MAST3: variants seen among roughly 807,000 people sequenced by gnomAD.
MAST3 encodes microtubule-associated serine/threonine-protein kinase 3.
MAST3 carries 43 observed loss-of-function variants against 127.0 expected under a neutral mutation model. That is an observed-to-expected ratio of 0.34 (90% confidence interval 0.27 to 0.44). The LOEUF is 0.44. Among genes scored for constraint, MAST3 ranks in the 20% least tolerant of loss-of-function variants. MAST3 has a pLI of 1.00. For synonymous variants in MAST3, 785 were observed against 809.2 expected, an observed-to-expected ratio of 0.97 and a Z score of 0.51; for missense variants, 1,390 against 1,919.1, an observed-to-expected ratio of 0.72 and a Z score of 5.15.
intron 2 of MAST3, among the ~76,000 whole-genome samples, chr19:18,109,715 C>G (rs1568549929): frequency 1.3e-5 from 2 of 152,158 alleles, no homozygotes; most frequent in African/African-American, 2.4e-5. Context: ...GGGCGACCTT[C>G]CTGGCAGAGG....
intron 19 of MAST3, among the ~76,000 whole-genome samples, chr19:18,137,749 G>A (rs1349648118): frequency 6.6e-6 from 1 of 152,150 alleles, no homozygotes; most frequent in African/African-American, 2.4e-5. Context: ...GTCCCTGCAG[G>A]GGCACTGTAG....
chr19:18,100,878 G>T (rs1208657814), intron 1 of MAST3, among the ~76,000 whole-genome samples: 2 of 152,184 alleles, frequency 1.3e-5, no homozygotes, highest in Non-Finnish European at 2.9e-5. Flanking sequence ...TTCACAAACG[G>T]GTGCTGACCG....
intron 2 of MAST3, among the ~76,000 whole-genome samples, 177 bp downstream of exon 2, chr19:18,107,795 A>T (rs1259254274): frequency 6.6e-6 from 1 of 152,202 alleles, no homozygotes; most frequent in East Asian, 1.9e-4. Context: ...CACCACAAAC[A>T]TGGGAGGCCA....
chr19:18,146,307 T>C (rs964195203), intron 25 of MAST3, among the ~76,000 whole-genome samples: 2 of 152,128 alleles, frequency 1.3e-5, no homozygotes, highest in African/African-American at 4.8e-5. Flanking sequence ...TAGCTAGGCA[T>C]GGTGGCATGC....
chr19:18,134,573 C>T lies in MAST3; in HGVS notation c.1572-6C>T. On this transcript the variant is annotated splice_polypyrimidine_tract_variant and splice_region_variant and intron_variant, in intron 15 of 27. Transcript: ENST00000687212. ...AGCTCTGAGCACACTCCTAACCTGC[C>T]CACAGTCTGCTCATCACCTCGCTTG... 1 of 1,609,588 alleles carries T rather than the reference C, an allele frequency of 6.2e-7. No homozygotes were observed. The highest frequency in any genetic ancestry group is 1.7e-5 in the Admixed American group (1 of 59,746).
At position 18,134,661 on chromosome 19, in the gene MAST3, C is replaced by T. The variant is rs2041701746; in HGVS notation, c.1654C>T (p.Leu552Phe). Residue 552 changes from leucine (L) to phenylalanine (F), a missense_variant, in exon 16 of 28, where the codon CTC becomes TTC. Physicochemically the swap from Leu to Phe is conservative, Grantham distance 22. This residue lies in a region of MAST3 where 191 missense variants were observed against 409.0 expected (regional missense o/e 0.47). Transcript: ENST00000687212. Reference protein sequence around the residue: ...KIGLMSMATNLYEGHIEKDAR... With the variant: ...KIGLMSMATNFYEGHIEKDAR... ...CGGCCTCATGAGCATGGCCACCAAC[C>T]TCTATGAGGGCCACATCGAGAAGGA... The T allele has an allele frequency of 6.2e-7, 1 of 1,613,558 alleles. No individual in the cohort carries two copies. Among genetic ancestry groups the T allele is most frequent in the African/African-American group, 1.3e-5 (1 of 74,930 alleles).
intron 20 of MAST3, among the ~76,000 whole-genome samples, chr19:18,141,205 C>G (rs1304528519): frequency 6.6e-6 from 1 of 152,084 alleles, no homozygotes; most frequent in African/African-American, 2.4e-5. Flanking sequence ...GCAGGACTTT[C>G]TAGTCAACAG....
At chr19:18,130,833 C>T in intron 14 of MAST3, 131 bp downstream of exon 14, 2 of 906,324 alleles carry the variant, frequency 2.2e-6, no homozygotes, top group Non-Finnish European at 3.4e-6. Context: ...GGGGAACCCT[C>T]AGGAACCCCA....
rs75869159 is a variant in MAST3 at position 18,110,257 on chromosome 19, G to C, written c.72-395G>C. 1 of 985,576 alleles carries C rather than the reference G, an allele frequency of 1.0e-6. No homozygotes were observed. The allele number at this position is 985,576 out of a possible 1,614,324, so 61.1% of individuals were successfully genotyped here. ...TCGGTCCGCTCGCGCCACGATCAGG[G>C]CTTCCGGGGGCCAACAAGGGGGCGT... is the stretch of plus-strand genomic sequence containing the variant. On this transcript the variant is annotated intron_variant, in intron 2 of 27. Coordinates refer to ENST00000687212, the MANE Select transcript of MAST3 (RefSeq NM_001393504.1). The surrounding 1 kb of genome is among the most constrained non-coding windows in gnomAD (Gnocchi z 4.3).
rs1004739108 is a variant in MAST3, at chr19:18,112,700, A to G, written c.161+1959A>G. 6.6e-6 allele frequency among the ~76,000 whole-genome samples: 1 copy of G among 152,122 alleles called. No individual in the cohort carries two copies. The highest frequency in any genetic ancestry group is 1.9e-4 in the East Asian group (1 of 5,166). ...TGGCCAGGCTGGTCTTGAACTCCTG[A>G]CCTCAGGTGATCCACCCGCCTTGGC... On this transcript the variant is annotated intron_variant, in intron 3 of 27. Transcript: ENST00000687212. This position sits in a 1 kb window ranked among gnomAD's most constrained non-coding sequence, Gnocchi z 4.1.
chr19:18,102,870 C>T (rs978800216), intron 1 of MAST3, among the ~76,000 whole-genome samples: 6 of 152,180 alleles, frequency 3.9e-5, no homozygotes, highest in Non-Finnish European at 7.4e-5. Flanking sequence ...TGCTTCGGGT[C>T]TCTCTTAATC....
In MAST3 at chr19:18,146,957, T is replaced by A. The variant is rs1407598594; in HGVS notation, c.3239T>A (p.Val1080Glu). The A allele has an allele frequency of 6.4e-7, 1 of 1,562,484 alleles. No individual in the cohort carries two copies. The highest frequency in any genetic ancestry group is 8.7e-7 in the Non-Finnish European group (1 of 1,153,396). Residue 1080 changes from valine (V) to glutamate (E), a missense_variant, in exon 26 of 28, where the codon GTG becomes GAG. Coordinates refer to ENST00000687212, the MANE Select transcript of MAST3 (RefSeq NM_001393504.1). ...SIKVGPARKN[V>E]AKGRMARRSK... ...AAGGTGGGCCCCGCCCGGAAGAATG[T>A]GGCCAAGGGCCGCATGGCACGCAGG... is the stretch of plus-strand genomic sequence containing the variant.
Position 18,145,775 on chromosome 19 carries a change from G to C in MAST3, c.3072G>C (p.Ala1024=). Residue 1024 remains alanine (A), a synonymous_variant, in exon 25 of 28, where the codon GCG becomes GCC. Transcript: ENST00000687212. This position sits in a 1 kb window ranked among gnomAD's most constrained non-coding sequence, Gnocchi z 5.9. Reference sequence around the variant, plus strand: ...AGGACGGAAGCCCCGCCCAGGAGGCGGGCCTGCGGGCTGGGGACCTCATCA... The same window carrying C: ...AGGACGGAAGCCCCGCCCAGGAGGCCGGCCTGCGGGCTGGGGACCTCATCA... ...SVEDGSPAQE[A]GLRAGDLITH... is the part of the protein sequence containing the mutation. The C allele has an allele frequency of 1.3e-6, 2 of 1,584,448 alleles. No individual in the cohort carries two copies. Among genetic ancestry groups the C allele is most frequent in the Non-Finnish European group, 1.7e-6 (2 of 1,169,114 alleles).
intron 17 of MAST3, 30 bp downstream of exon 17, chr19:18,135,012 G>T (rs2041740383): frequency 6.4e-7 from 1 of 1,564,830 alleles, no homozygotes; most frequent in Admixed American, 1.8e-5. Flanking sequence ...CTGGGTTTGA[G>T]CTGCAGCCCC....
chr19:18,149,467 C>T lies in MAST3; in HGVS notation c.3785C>T (p.Ala1262Val). The change falls in exon 28 of 28, where the codon GCT becomes GTT. Residue 1262 changes from alanine (A) to valine (V), a missense_variant. Ala to Val is a moderately conservative substitution (Grantham distance 64). Transcript: ENST00000687212. The surrounding 1 kb of genome is among the most constrained non-coding windows in gnomAD (Gnocchi z 5.9). ...RSPRLRRGQS[A>V]DKLGTGERLD... ...CCGCGGCTGCGCCGGGGCCAGTCAG[C>T]TGACAAGCTGGGCACAGGGGAGCGG... 3 of 1,539,750 alleles carry T rather than the reference C, an allele frequency of 1.9e-6. No homozygotes were observed. The highest frequency in any genetic ancestry group is 2.6e-6 in the Non-Finnish European group (3 of 1,143,404).
rs2039984796 is a variant in MAST3 at position 18,121,587 on chromosome 19, C to T, written c.162-98C>T. On this transcript the variant is annotated intron_variant, in intron 3 of 27. Transcript: ENST00000687212. ...GAGTGGCCATGTCCAACATCCCATCCTTCTCCAGAACGGGCTGCGAGTGTG... is the reference window on the plus strand; with the variant it reads ...GAGTGGCCATGTCCAACATCCCATCTTTCTCCAGAACGGGCTGCGAGTGTG... The T allele has an allele frequency of 5.7e-6, 6 of 1,052,740 alleles. No homozygotes were observed. In the South Asian group the frequency reaches 8.4e-5, roughly 15 times the overall value. 65.2% of individuals were successfully genotyped at this position (1,052,740 alleles called of 1,614,324 possible). A position where few individuals can be genotyped will look rare whatever the true frequency, so the allele number is the denominator to read the frequency against.
At chr19:18,146,413 C>G in intron 25 of MAST3, among the ~76,000 whole-genome samples, 1 of 152,106 alleles carries the variant, frequency 6.6e-6, no homozygotes, top group Non-Finnish European at 1.5e-5. Context: ...CCATACTGCA[C>G]TCCAGCCTGG....
chr19:18,123,495 C>T, intron 7 of MAST3, 85 bp from the exon 8 acceptor site: 1 of 1,469,408 alleles, frequency 6.8e-7, no homozygotes, highest in Non-Finnish European at 9.1e-7. Flanking sequence ...GATTCTTGTC[C>T]CTCAACCCTG....
chr19:18,142,610 A>G (rs1411709841), intron 21 of MAST3, among the ~76,000 whole-genome samples: 1 of 150,110 alleles, frequency 6.7e-6, no homozygotes, highest in African/African-American at 2.5e-5. Flanking sequence ...TCAACCTCCC[A>G]AAGTGCTAGG....
Sources: gnomAD v4.1 joint callset for allele counts (sites outside exome capture counted in the v4.1 genomes callset) on GRCh38, gnomAD v4.1.1 for gene constraint, gnomAD v4.1.1 regional missense constraint, Gnocchi (gnomAD v3.1) non-coding constraint, MANE v1.5 for transcripts, NCBI Gene and HGNC (gene_info 2026-07-23, HGNC 2026-07-21) for gene names.